The following NBEA variants were observed in gnomAD, a reference collection of about 807,000 sequenced individuals.
NBEA encodes lysosomal-trafficking regulator 2.
In NBEA, 44 loss-of-function variants were observed where a neutral mutation model predicts 343.4. The observed-to-expected ratio is 0.13, with a 90% confidence interval of 0.10 to 0.16. The LOEUF (loss-of-function observed/expected upper bound fraction) is 0.16, where lower values mean the gene tolerates loss of function less well. Ranked by LOEUF, NBEA falls within the 10% of genes least tolerant of loss-of-function variation. The pLI is 1.00. For synonymous variants in NBEA, 1,175 were observed against 1,238.7 expected (o/e 0.95, Z 1.08); for missense variants, 2,555 against 3,631.3 (o/e 0.70, Z 7.62).
chr13:35,277,037 G>C (rs1026442714), intron 34 of NBEA, among the ~76,000 whole-genome samples: 2 of 152,150 alleles, frequency 1.3e-5, no homozygotes, highest in African/African-American at 4.8e-5. Context: ...TGCAACATAA[G>C]CATCTGTGGC....
chr13:35,236,623 T>TA (rs2075249848), intron 34 of NBEA, among the ~76,000 whole-genome samples: 1 of 151,434 alleles, frequency 6.6e-6, no homozygotes, highest in Admixed American at 6.6e-5. Flanking sequence ...TATATTTTTT[T>TA]TTTTTTGTAT....
At chr13:35,554,159 A>T (rs550832493) in intron 43 of NBEA, among the ~76,000 whole-genome samples, 1 of 152,288 alleles carries the variant, frequency 6.6e-6, no homozygotes, top group South Asian at 2.1e-4. Context: ...AGTTGTTAAG[A>T]TGTTAAATAT....
chr13:35,638,661 A>G (rs1179685502), intron 49 of NBEA, among the ~76,000 whole-genome samples: 1 of 152,198 alleles, frequency 6.6e-6, no homozygotes, highest in East Asian at 1.9e-4. Flanking sequence ...AAGAAGACTT[A>G]TTTAAGGCTT....
chr13:35,479,906 A>G (rs2076051743), intron 41 of NBEA, among the ~76,000 whole-genome samples: 1 of 152,084 alleles, frequency 6.6e-6, no homozygotes, highest in Non-Finnish European at 1.5e-5. Context: ...AAACTGGCCT[A>G]ATTGAAGGAA....
intron 1 of NBEA, among the ~76,000 whole-genome samples, chr13:34,982,410 C>G (rs1450849773): frequency 6.6e-6 from 1 of 152,126 alleles, no homozygotes; most frequent in East Asian, 1.9e-4. Context: ...ATTGAATCTC[C>G]TGCCTCAGCC....
In NBEA at chr13:35,625,677, A is replaced by C. The variant is rs10219998; in HGVS notation, c.7450-2404A>C. ...ATAAATCAACAATATAAAGACAAGA[A>C]CCTCCAGTGTTTAAATGGGTAAGGG... On this transcript the variant is annotated intron_variant, in intron 48 of 58. Coordinates refer to ENST00000379939, the MANE Select transcript of NBEA (RefSeq NM_001385012.1). 2.9e-3 allele frequency among the ~76,000 whole-genome samples: 443 copies of C among 151,920 alleles called. 2 individuals are homozygous for C. The highest frequency in any genetic ancestry group is 0.01 in the African/African-American group (431 of 41,472).
chr13:35,595,758 T>A (rs1487993207), intron 47 of NBEA, among the ~76,000 whole-genome samples: 1 of 152,084 alleles, frequency 6.6e-6, no homozygotes, highest in East Asian at 1.9e-4. Context: ...GAAAATTCAC[T>A]CTCTACAGCA....
At chr13:34,985,168 T>C (rs1566123035) in intron 1 of NBEA, among the ~76,000 whole-genome samples, 1 of 151,024 alleles carries the variant, frequency 6.6e-6, no homozygotes, top group Non-Finnish European at 1.5e-5. Context: ...TGATATTGGC[T>C]GTGTGTTTGT....
At chr13:35,086,026 C>G (rs571296363) in intron 10 of NBEA, among the ~76,000 whole-genome samples, 7 of 151,986 alleles carry the variant, frequency 4.6e-5, no homozygotes, top group Non-Finnish European at 1.0e-4. Flanking sequence ...TTGCAAGGGA[C>G]GTGAAGGACC....
At chr13:35,321,676 T>G (rs2038153397) in intron 36 of NBEA, among the ~76,000 whole-genome samples, 1 of 147,488 alleles carries the variant, frequency 6.8e-6, no homozygotes, top group African/African-American at 2.7e-5. Context: ...AACATTTAAG[T>G]CTGCTGAAGC....
At chr13:35,317,649 G>A (rs2480361) in intron 36 of NBEA, among the ~76,000 whole-genome samples, 126,611 of 152,168 alleles carry the variant, frequency 0.83, 52,902 homozygotes, top group South Asian at 0.94. Context: ...AAGAAAGTTA[G>A]TGGTAGCTTG....
At chr13:35,634,449 T>C (rs1330092910) in intron 49 of NBEA, among the ~76,000 whole-genome samples, 1 of 152,102 alleles carries the variant, frequency 6.6e-6, no homozygotes, top group Non-Finnish European at 1.5e-5. Context: ...GAGAAAAAAA[T>C]TGAGTCAGTA....
At chr13:35,557,563 A>G (rs937011793) in intron 44 of NBEA, among the ~76,000 whole-genome samples, 1 of 152,160 alleles carries the variant, frequency 6.6e-6, no homozygotes, top group Non-Finnish European at 1.5e-5. Context: ...TATTTATAAC[A>G]TGAAGATTAT....
At chr13:35,484,278 A>G (rs201680186) in intron 41 of NBEA, among the ~76,000 whole-genome samples, 3,826 of 122,114 alleles carry the variant, frequency 0.031, 84 homozygotes, top group East Asian at 0.17. Flanking sequence ...GTGTGTGTAT[A>G]TATATATATA....
At chr13:35,474,347 T>C (rs1308514253) in intron 41 of NBEA, 1 of 152,660 alleles carries the variant, frequency 6.6e-6, no homozygotes, top group Non-Finnish European at 1.5e-5. Context: ...TTATATAAGC[T>C]GAATTCAAAT....
chr13:35,157,475 A>G (rs2069247558), intron 21 of NBEA, among the ~76,000 whole-genome samples: 1 of 152,118 alleles, frequency 6.6e-6, no homozygotes, highest in Admixed American at 6.6e-5. Context: ...CCAAATTTAT[A>G]AATCAGGAGT....
chr13:35,023,811 G>A (rs748191481), intron 1 of NBEA, among the ~76,000 whole-genome samples: 10 of 152,126 alleles, frequency 6.6e-5, no homozygotes, highest in Non-Finnish European at 1.3e-4. Context: ...TTAGAAAATC[G>A]CAAGGCTCTT....
intron 1 of NBEA, among the ~76,000 whole-genome samples, chr13:34,969,593 T>C (rs2059935305): frequency 6.6e-6 from 1 of 152,040 alleles, no homozygotes; most frequent in African/African-American, 2.4e-5. Flanking sequence ...TGTTCCCCTC[T>C]ATGTGTCAGT....
chr13:35,183,853 C>T, intron 29 of NBEA, 123 bp from the exon 30 acceptor site: 1 of 580,012 alleles, frequency 1.7e-6, no homozygotes, highest in East Asian at 3.0e-5. Context: ...TTCAGAGATG[C>T]ATTCGTTATT....
Sources: allele counts gnomAD v4.1 joint callset (sites outside exome capture counted in the v4.1 genomes callset), GRCh38; gene constraint gnomAD v4.1.1; transcripts MANE v1.5; gene names NCBI Gene and HGNC (gene_info 2026-07-23, HGNC 2026-07-21).